Variants in PPP3CC observed in about 807,000 individuals in gnomAD.
PPP3CC encodes the protein serine/threonine-protein phosphatase 2B catalytic subunit gamma isoform.
Under a neutral mutation model 60.3 loss-of-function variants are expected in PPP3CC, and 35 were observed. That is an observed-to-expected ratio of 0.58 (90% CI 0.44 to 0.77). The LOEUF is 0.77. Among genes scored for constraint, PPP3CC ranks in the 30% least tolerant of loss-of-function variants. PPP3CC has a pLI of 0.00. For synonymous variants in PPP3CC, 206 were observed against 224.3 expected (o/e 0.92, Z 0.73); for missense variants, 570 against 628.9 (o/e 0.91, Z 1.00).
intron 1 of PPP3CC, among the ~76,000 whole-genome samples, chr8:22,454,558 T>C (rs576536632): frequency 3.9e-5 from 6 of 152,344 alleles, no homozygotes; most frequent in African/African-American, 1.4e-4. Context: ...GTTATATGAC[T>C]GGCAGTGCAG....
intron 11 of PPP3CC, among the ~76,000 whole-genome samples, chr8:22,532,514 G>A (rs562784930): frequency 6.6e-6 from 1 of 152,184 alleles, no homozygotes; most frequent in Non-Finnish European, 1.5e-5. Context: ...TGAATGTAGT[G>A]GTTTAGTGTG....
chr8:22,497,962 G>A, intron 3 of PPP3CC, 39 bp from the exon 4 acceptor site: 1 of 1,384,018 alleles, frequency 7.2e-7, no homozygotes, highest in South Asian at 1.2e-5. Context: ...GCATTATAAT[G>A]GTCACAAAGA....
intron 6 of PPP3CC, among the ~76,000 whole-genome samples, chr8:22,520,481 A>G (rs1256227123): frequency 2.0e-5 from 3 of 152,096 alleles, no homozygotes; most frequent in East Asian, 1.9e-4. Context: ...TAAGTCCTGT[A>G]TACTTTCCAC....
intron 1 of PPP3CC, among the ~76,000 whole-genome samples, chr8:22,455,141 T>G (rs988592869): frequency 3.3e-5 from 5 of 151,994 alleles, no homozygotes; most frequent in African/African-American, 9.7e-5. Context: ...TTCTATAGTA[T>G]AGATAGAATT....
intron 1 of PPP3CC, among the ~76,000 whole-genome samples, chr8:22,446,997 T>G (rs1019501051): frequency 5.3e-5 from 8 of 151,754 alleles, no homozygotes; most frequent in African/African-American, 1.9e-4. Flanking sequence ...TACTAGACTA[T>G]AATGCCCGTT....
At chr8:22,505,232 G>A (rs552323456) in intron 4 of PPP3CC, among the ~76,000 whole-genome samples, 1 of 151,950 alleles carries the variant, frequency 6.6e-6, no homozygotes, top group Admixed American at 6.6e-5. Flanking sequence ...TCACTATGTT[G>A]GTCAGGCTGG....
chr8:22,498,224 T>A (rs1838648086), intron 4 of PPP3CC, 112 bp downstream of exon 4: 2 of 582,028 alleles, frequency 3.4e-6, no homozygotes, highest in African/African-American at 3.8e-5. Flanking sequence ...CCTGTCCTGT[T>A]GTTATTTTTT....
chr8:22,459,192 C>T (rs1474980070), intron 1 of PPP3CC, among the ~76,000 whole-genome samples: 1 of 152,144 alleles, frequency 6.6e-6, no homozygotes, highest in African/African-American at 2.4e-5. Flanking sequence ...TCCACCTACA[C>T]CTCCCAAGTA....
intron 4 of PPP3CC, among the ~76,000 whole-genome samples, chr8:22,499,249 C>G (rs917502934): frequency 2.0e-5 from 3 of 150,668 alleles, no homozygotes; most frequent in African/African-American, 7.3e-5. Context: ...ACCATCCTGG[C>G]TAACAAGGTG....
chr8:22,531,028 G>T (rs975572019), intron 10 of PPP3CC, among the ~76,000 whole-genome samples: 4 of 152,016 alleles, frequency 2.6e-5, no homozygotes, highest in African/African-American at 7.3e-5. Context: ...TTCATGATCT[G>T]TGGGGTTAGA....
At position 22,540,803 on chromosome 8, in the gene PPP3CC, C is replaced by G; in HGVS notation, c.*1C>G. The G allele has an allele frequency of 6.2e-7, 1 of 1,604,700 alleles. No homozygotes were observed. Among genetic ancestry groups the G allele is most frequent in the Non-Finnish European group, 8.5e-7 (1 of 1,175,098 alleles). On this transcript the variant is annotated 3_prime_UTR_variant, in exon 14 of 14. Coordinates refer to ENST00000240139, the MANE Select transcript of PPP3CC (RefSeq NM_005605.5). ...CCAAGGGAAGAAAGCCCATTCATGA[C>G]TTAGAGTCCTGCCGTGGCTCAGGTG... is the stretch of plus-strand genomic sequence containing the variant.
intron 4 of PPP3CC, among the ~76,000 whole-genome samples, chr8:22,499,084 A>G (rs914756334): frequency 2.0e-5 from 3 of 150,422 alleles, no homozygotes; most frequent in African/African-American, 7.4e-5. Flanking sequence ...CTGCCACTGT[A>G]CTCCAGCCTG....
intron 8 of PPP3CC, among the ~76,000 whole-genome samples, chr8:22,526,376 A>G (rs1839562136): frequency 6.6e-6 from 1 of 152,220 alleles, no homozygotes; most frequent in Non-Finnish European, 1.5e-5. Context: ...GAATAATGAT[A>G]TATGACATAT....
Position 22,474,998 on chromosome 8 carries a change from T to A in PPP3CC, c.94T>A (p.Phe32Ile). The A allele has an allele frequency of 1.2e-6, 2 of 1,610,882 alleles. No individual in the cohort carries two copies. Among genetic ancestry groups the A allele is most frequent in the Non-Finnish European group, 1.7e-6 (2 of 1,178,010 alleles). The change falls in exon 2 of 14, where the codon TTT becomes ATT. Residue 32 changes from phenylalanine (F) to isoleucine (I), a missense_variant. Coordinates refer to ENST00000240139, the MANE Select transcript of PPP3CC (RefSeq NM_005605.5). ...CCAACGGCTTACTTTCAAGGAAGTA[T>A]TTGAGAATGGGAAACCTAAAGTTGA... ...PTQRLTFKEV[F>I]ENGKPKVDVL...
rs748505175 is a variant in PPP3CC at position 22,511,109 on chromosome 8, G to A, written c.508G>A (p.Val170Met). 6.2e-6 allele frequency: 10 copies of A among 1,614,110 alleles called. No homozygotes were observed. The South Asian group carries it at 1.1e-4, about 18-fold the overall frequency. Reference sequence around the variant, plus strand: ...AGGTCGAATCAAATATTCGGAACAGGTGTATGATGCCTGTATGGAGACATT... The same window carrying A: ...AGGTCGAATCAAATATTCGGAACAGATGTATGATGCCTGTATGGAGACATT... ...QECRIKYSEQ[V>M]YDACMETFDC... Residue 170 changes from valine (V) to methionine (M), a missense_variant, in exon 5 of 14, where the codon GTG (valine) becomes ATG (methionine). By Grantham distance (21) the Val-to-Met change is conservative. Coordinates refer to ENST00000240139, the MANE Select transcript of PPP3CC (RefSeq NM_005605.5).
At chr8:22,532,552 A>G (rs1328873170) in intron 11 of PPP3CC, among the ~76,000 whole-genome samples, 1 of 152,220 alleles carries the variant, frequency 6.6e-6, no homozygotes, top group Non-Finnish European at 1.5e-5. Flanking sequence ...GCCTGTGTTC[A>G]AATTCTGGCT....
intron 6 of PPP3CC, among the ~76,000 whole-genome samples, chr8:22,518,906 C>T (rs1288405975): frequency 6.6e-6 from 1 of 152,008 alleles, no homozygotes; most frequent in Non-Finnish European, 1.5e-5. Context: ...AGGCTGGTTT[C>T]GAACTCCTGA....
intron 4 of PPP3CC, among the ~76,000 whole-genome samples, chr8:22,508,722 C>G (rs1484276634): frequency 6.6e-6 from 1 of 152,238 alleles, no homozygotes; most frequent in Non-Finnish European, 1.5e-5. Context: ...CTTACTGACA[C>G]TGGCAACAGA....
At chr8:22,464,993 T>G (rs921828249) in intron 1 of PPP3CC, among the ~76,000 whole-genome samples, 5 of 150,358 alleles carry the variant, frequency 3.3e-5, no homozygotes, top group Admixed American at 6.6e-5. Context: ...TTTTTTTTTT[T>G]GTCACCTAGG....
Sources: allele counts gnomAD v4.1 joint callset (sites outside exome capture counted in the v4.1 genomes callset), GRCh38; gene constraint gnomAD v4.1.1; transcripts MANE v1.5; gene names NCBI Gene and HGNC (gene_info 2026-07-23, HGNC 2026-07-21).